The following TBC1D16 variants were observed in gnomAD, a reference collection of about 807,000 sequenced individuals.
TBC1D16 encodes TBC1 domain family member 16, also known as CTD-2529O21.1.
In TBC1D16, 58 loss-of-function variants were observed where a neutral mutation model predicts 74.7. The observed-to-expected ratio is 0.78, with a 90% confidence interval of 0.63 to 0.97. The LOEUF is 0.97. Among genes scored for constraint, TBC1D16 ranks in the 50% least tolerant of loss-of-function variants. TBC1D16 has a pLI of 0.00. For synonymous variants in TBC1D16, 493 were observed against 474.7 expected (o/e 1.04, Z -0.50); for missense variants, 1,014 against 1,079.5 (o/e 0.94, Z 0.85).
rs1254919326 is a variant in TBC1D16 at position 79,994,525 on chromosome 17, G to C, written c.779+15635C>G. Among the ~76,000 whole-genome samples the C allele has an allele frequency of 1.3e-5, 2 of 152,208 alleles. No individual in the cohort carries two copies. The highest frequency in any genetic ancestry group is 2.9e-5 in the Non-Finnish European group (2 of 68,036). On this transcript the variant is annotated intron_variant, in intron 3 of 11. Transcript: ENST00000310924. The surrounding 1 kb of genome is among the most constrained non-coding windows in gnomAD (Gnocchi z 4.6). ...TGCAACCTCTGCCTCCTGGGTTCAA[G>C]CAATTCTCCTGTCTCAGCCTCCCAA... is the stretch of plus-strand genomic sequence containing the variant.
intron 3 of TBC1D16, among the ~76,000 whole-genome samples, chr17:79,982,311 T>C (rs1218159697): frequency 6.6e-6 from 1 of 151,704 alleles, no homozygotes; most frequent in Admixed American, 6.6e-5. Flanking sequence ...CAAGCCCAGC[T>C]AATTTTGTAT....
At chr17:79,974,426 C>T (rs113212391) in intron 3 of TBC1D16, among the ~76,000 whole-genome samples, 4,861 of 152,026 alleles carry the variant, frequency 0.032, 250 homozygotes, top group African/African-American at 0.11. Flanking sequence ...TTTAGAGAGA[C>T]AGGGTTTCCC....
intron 3 of TBC1D16, among the ~76,000 whole-genome samples, chr17:79,958,738 A>G (rs1410591015): frequency 6.6e-6 from 1 of 152,184 alleles, no homozygotes; most frequent in Non-Finnish European, 1.5e-5. Flanking sequence ...AATGGAAGAG[A>G]AGCTCCTCAA....
In TBC1D16 at chr17:79,952,684, T is replaced by G; in HGVS notation, c.914A>C (p.His305Pro). 1 of 1,603,038 alleles carries G rather than the reference T, an allele frequency of 6.2e-7. No individual in the cohort carries two copies. The highest frequency in any genetic ancestry group is 8.5e-7 in the Non-Finnish European group (1 of 1,171,670). ...GAAGAAAAGGCGGAGGGAGCGCATG[T>G]GGCCCAGGTCCACGCGGAACACGCC... ...ICGVFRVDLGHMRSLRLFFSD... is the reference protein window; with the variant it reads ...ICGVFRVDLGPMRSLRLFFSD... The change falls in exon 4 of 12, where the codon CAC becomes CCC. Residue 305 changes from histidine (H) to proline (P), a missense_variant. Physicochemically the swap from His to Pro is moderately conservative, Grantham distance 77. Transcript: ENST00000310924.
At position 80,001,571 on chromosome 17, in the gene TBC1D16, C is replaced by G. The variant is rs993524794; in HGVS notation, c.779+8589G>C. 2.6e-5 allele frequency among the ~76,000 whole-genome samples: 4 copies of G among 152,110 alleles called. No homozygotes were observed. The highest frequency in any genetic ancestry group is 2.9e-5 in the Non-Finnish European group (2 of 67,992). Reference sequence around the variant, plus strand: ...GTATCCCCGGGCGCCCTGGTTGGCCCACGACCGGGATCAGGGGTTTGATCC... The same window carrying G: ...GTATCCCCGGGCGCCCTGGTTGGCCGACGACCGGGATCAGGGGTTTGATCC... On this transcript the variant is annotated intron_variant, in intron 3 of 11. Transcript: ENST00000310924. The surrounding 1 kb of genome is among the most constrained non-coding windows in gnomAD (Gnocchi z 5.8).
chr17:80,011,542 T>C (rs528391219), intron 2 of TBC1D16, among the ~76,000 whole-genome samples: 1 of 152,254 alleles, frequency 6.6e-6, no homozygotes, highest in South Asian at 2.1e-4. Flanking sequence ...AAAGAATTCA[T>C]ACAGCCAGGC....
At chr17:79,951,924 C>T (rs4503834) in intron 4 of TBC1D16, 39,818 of 225,626 alleles carry the variant, frequency 0.18, 4,113 homozygotes, top group East Asian at 0.42. Flanking sequence ...ACGCTGAGTG[C>T]CCTGGAATCC....
intron 2 of TBC1D16, 88 bp downstream of exon 2, chr17:80,013,279 C>A (rs1344088906): frequency 7.7e-7 from 1 of 1,292,310 alleles, no homozygotes; most frequent in South Asian, 1.4e-5. Flanking sequence ...AATGCACTCT[C>A]ACGTGCTGTG....
chr17:79,999,444 T>C lies in TBC1D16; in HGVS notation c.779+10716A>G, dbSNP rs117214670. Among the ~76,000 whole-genome samples, 1,013 of 149,502 alleles carry C rather than the reference T, an allele frequency of 6.8e-3. 30 individuals are homozygous for C. In the East Asian group the frequency reaches 0.099, roughly 15 times the overall value. On this transcript the variant is annotated intron_variant, in intron 3 of 11. Transcript: ENST00000310924. The stretch of plus-strand genomic sequence containing the variant: ...CAATTACAATTCCCAACTTTGAAAG[T>C]CCAGGAAGAAAACCAACCAAAATGA...
At chr17:79,972,599 C>T (rs1390845933) in intron 3 of TBC1D16, among the ~76,000 whole-genome samples, 1 of 152,178 alleles carries the variant, frequency 6.6e-6, no homozygotes, top group Non-Finnish European at 1.5e-5. Context: ...ATCAGGTCCC[C>T]AGAGCAGTCA....
In TBC1D16 at chr17:79,979,313, GCACACACGCTCCAGGGATGCA is replaced by G. The variant is rs1379339549; in HGVS notation, c.780-26516_780-26496del. ...CCGGGGACGCACACCCACGCCCAGA[GCACACACGCTCCAGGGATGCA>G]CACCCACGCCCTGGACCCCAGCAGA... On this transcript the variant is annotated intron_variant, in intron 3 of 11. Coordinates refer to ENST00000310924, the MANE Select transcript of TBC1D16 (RefSeq NM_019020.4). This position sits in a 1 kb window ranked among gnomAD's most constrained non-coding sequence, Gnocchi z 4.8. Among the ~76,000 whole-genome samples, 6 of 152,046 alleles carry G rather than the reference GCACACACGCTCCAGGGATGCA, an allele frequency of 3.9e-5. No individual in the cohort carries two copies. The highest frequency in any genetic ancestry group is 3.9e-4 in the Admixed American group (6 of 15,264).
intron 3 of TBC1D16, among the ~76,000 whole-genome samples, chr17:79,960,044 C>A (rs2033523802): frequency 6.6e-6 from 1 of 150,858 alleles, no homozygotes; most frequent in Admixed American, 6.6e-5. Flanking sequence ...AGACCAGACA[C>A]CAACATATGA....
At chr17:79,960,082 C>A (rs2033525802) in intron 3 of TBC1D16, among the ~76,000 whole-genome samples, 1 of 151,788 alleles carries the variant, frequency 6.6e-6, no homozygotes, top group South Asian at 2.1e-4. Context: ...AATTAATCTT[C>A]ATTAAAATGA....
chr17:79,941,011 C>T lies in TBC1D16; in HGVS notation c.2152G>A (p.Gly718Ser), dbSNP rs942640132. 5.6e-6 allele frequency: 9 copies of T among 1,608,026 alleles called. No individual in the cohort carries two copies. Among genetic ancestry groups the T allele is most frequent in the East Asian group, 2.2e-5 (1 of 44,616 alleles). Reference sequence around the variant, plus strand: ...GTGCACTCCACCGCGGGCATGGAGCCGCTGTCCCACATGCCTGACCCGCAC... The same window carrying T: ...GTGCACTCCACCGCGGGCATGGAGCTGCTGTCCCACATGCCTGACCCGCAC... ...KLCGSGMWDS[G>S]SMPAVECTGH... is the part of the protein sequence containing the mutation. Residue 718 changes from glycine to serine, a missense_variant, in exon 12 of 12, where the codon GGC becomes AGC. Coordinates refer to ENST00000310924, the MANE Select transcript of TBC1D16 (RefSeq NM_019020.4). This position sits in a 1 kb window ranked among gnomAD's most constrained non-coding sequence, Gnocchi z 4.3.
intron 2 of TBC1D16, among the ~76,000 whole-genome samples, chr17:80,011,825 C>CAA (rs57521904): frequency 2.7e-5 from 3 of 110,640 alleles, no homozygotes; most frequent in Non-Finnish European, 5.7e-5. Context: ...GACTCCGTCT[C>CAA]AAAAAAAAAA....
intron 1 of TBC1D16, among the ~76,000 whole-genome samples, chr17:80,032,522 AGC>A (rs1194114979): frequency 1.3e-5 from 2 of 152,334 alleles, no homozygotes; most frequent in East Asian, 3.9e-4. Context: ...GCCACCAGAC[AGC>A]TCATAAAAGC....
intron 1 of TBC1D16, among the ~76,000 whole-genome samples, chr17:80,023,165 G>C (rs942791985): frequency 1.3e-5 from 2 of 149,968 alleles, no homozygotes; most frequent in African/African-American, 2.5e-5. Context: ...GACAGGCGGG[G>C]TCATTTTAAC....
chr17:80,024,007 C>G (rs1437820008), intron 1 of TBC1D16: 2 of 147,878 alleles, frequency 1.4e-5, no homozygotes, highest in Non-Finnish European at 3.0e-5. Context: ...GAGGACCAAG[C>G]GCAGAAGGTA....
At position 79,987,594 on chromosome 17, in the gene TBC1D16, G is replaced by C. The variant is rs1433994626; in HGVS notation, c.779+22566C>G. Among the ~76,000 whole-genome samples, 2 of 152,126 alleles carry C rather than the reference G, an allele frequency of 1.3e-5. No individual in the cohort carries two copies. Among genetic ancestry groups the C allele is most frequent in the African/African-American group, 4.8e-5 (2 of 41,420 alleles). ...GGTACAGAAGTTTGCCTGGTGACCA[G>C]GAGTCATGACTCTTTCCGAATGAAG... On this transcript the variant is annotated intron_variant, in intron 3 of 11. Transcript: ENST00000310924. The surrounding 1 kb of genome is among the most constrained non-coding windows in gnomAD (Gnocchi z 5.2).
Sources: allele counts gnomAD v4.1 joint callset (sites outside exome capture counted in the v4.1 genomes callset), GRCh38; gene constraint gnomAD v4.1.1; non-coding constraint Gnocchi (gnomAD v3.1); transcripts MANE v1.5; gene names NCBI Gene and HGNC (gene_info 2026-07-23, HGNC 2026-07-21).